Variants in ADARB2 observed in about 807,000 individuals in gnomAD.
ADARB2 encodes adenosine deaminase RNA specific B2 (inactive).
A neutral mutation model predicts 62.2 loss-of-function variants in ADARB2; 25 were observed. The observed-to-expected ratio is 0.40, with a 90% CI of 0.29 to 0.56. The LOEUF (loss-of-function observed/expected upper bound fraction) is 0.56. Ranked by LOEUF, ADARB2 falls within the 20% of genes least tolerant of loss-of-function variation. The pLI, the probability that ADARB2 is intolerant of heterozygous loss-of-function variation, is 0.43. For synonymous variants in ADARB2, 572 were observed against 500.8 expected (o/e 1.14, Z -1.90); for missense variants, 1,071 against 1,077.4 (o/e 0.99, Z 0.08).
chr10:1,317,790 G>C (rs529448035), intron 3 of ADARB2, among the ~76,000 whole-genome samples: 1 of 151,912 alleles, frequency 6.6e-6, no homozygotes, highest in African/African-American at 2.4e-5. Flanking sequence ...TCTGGTCTCT[G>C]TGGGCCGGCC....
chr10:1,280,526 T>G (rs981629361), intron 3 of ADARB2, among the ~76,000 whole-genome samples: 2 of 152,212 alleles, frequency 1.3e-5, no homozygotes, highest in African/African-American at 4.8e-5. Flanking sequence ...GTGTTTGCCA[T>G]TTTTAGGTGT....
intron 3 of ADARB2, among the ~76,000 whole-genome samples, chr10:1,337,490 A>G (rs980788247): frequency 3.3e-5 from 5 of 152,204 alleles, no homozygotes; most frequent in African/African-American, 1.2e-4. Flanking sequence ...CAATTCTTCC[A>G]TGGTAAGGAC....
chr10:1,709,892 T>G lies in ADARB2; in HGVS notation c.100+27159A>C, dbSNP rs139949715. 5.3e-3 allele frequency among the ~76,000 whole-genome samples: 800 copies of G among 152,362 alleles called. 5 individuals are homozygous for G. Among genetic ancestry groups the G allele is most frequent in the African/African-American group, 0.018 (753 of 41,586 alleles). ...ACTGAACTTTAAGCAGAATTTCAAGTGCCAAGTCTCTAAAGCCAAGTGGGG... is the reference window on the plus strand; with the variant it reads ...ACTGAACTTTAAGCAGAATTTCAAGGGCCAAGTCTCTAAAGCCAAGTGGGG... On this transcript the variant is annotated intron_variant, in intron 1 of 9. Coordinates refer to ENST00000381312, the MANE Select transcript of ADARB2 (RefSeq NM_018702.4).
intron 1 of ADARB2, among the ~76,000 whole-genome samples, chr10:1,505,193 A>T (rs1831826694): frequency 6.6e-6 from 1 of 151,912 alleles, no homozygotes. Flanking sequence ...AGGCACCGAC[A>T]CACACACAGA....
intron 1 of ADARB2, among the ~76,000 whole-genome samples, chr10:1,621,231 A>G (rs1338300492): frequency 6.6e-6 from 1 of 152,244 alleles, no homozygotes; most frequent in Non-Finnish European, 1.5e-5. Flanking sequence ...GATAGAATCA[A>G]CAAAAAATAT....
intron 1 of ADARB2, among the ~76,000 whole-genome samples, chr10:1,457,933 C>T (rs74684573): frequency 0.044 from 6,641 of 152,140 alleles, 410 homozygotes; most frequent in African/African-American, 0.14. Context: ...TCTCTTTGCA[C>T]GTAAAATGTA....
chr10:1,641,265 G>C (rs922194478), intron 1 of ADARB2, among the ~76,000 whole-genome samples: 18 of 152,184 alleles, frequency 1.2e-4, no homozygotes, highest in African/African-American at 4.1e-4. Flanking sequence ...CTCCAAAAGG[G>C]TCTAAAAGCT....
At chr10:1,205,555 C>T (rs1837043910) in intron 7 of ADARB2, among the ~76,000 whole-genome samples, 1 of 152,250 alleles carries the variant, frequency 6.6e-6, no homozygotes, top group Non-Finnish European at 1.5e-5. Flanking sequence ...TGCACACCCC[C>T]AGGCTCTGCG....
intron 1 of ADARB2, among the ~76,000 whole-genome samples, chr10:1,425,292 C>A (rs917105061): frequency 6.6e-6 from 1 of 152,192 alleles, no homozygotes; most frequent in Non-Finnish European, 1.5e-5. Context: ...TATATACCAC[C>A]TGTTTCTCAG....
intron 1 of ADARB2, among the ~76,000 whole-genome samples, chr10:1,627,693 A>G (rs1448623838): frequency 1.3e-5 from 2 of 152,196 alleles, no homozygotes; most frequent in African/African-American, 4.8e-5. Flanking sequence ...CTAGAAAGAG[A>G]CATAGGGGTT....
At chr10:1,590,635 T>A (rs1053911162) in intron 1 of ADARB2, among the ~76,000 whole-genome samples, 2 of 152,184 alleles carry the variant, frequency 1.3e-5, no homozygotes, top group Non-Finnish European at 2.9e-5. Flanking sequence ...TTTGTCAGGC[T>A]TGGAGATTTG....
chr10:1,539,777 C>T (rs1832387613), intron 1 of ADARB2, among the ~76,000 whole-genome samples: 1 of 152,214 alleles, frequency 6.6e-6, no homozygotes, highest in Non-Finnish European at 1.5e-5. Context: ...AAATAATTCA[C>T]TTCAATGAAA....
chr10:1,326,485 G>A (rs115073272), intron 3 of ADARB2, among the ~76,000 whole-genome samples: 316 of 152,294 alleles, frequency 2.1e-3, no homozygotes, highest in African/African-American at 7.4e-3. Context: ...TTCTGTCACT[G>A]TCTTTCTATG....
intron 1 of ADARB2, among the ~76,000 whole-genome samples, chr10:1,717,820 C>A (rs1004182580): frequency 2.0e-5 from 3 of 152,056 alleles, no homozygotes; most frequent in African/African-American, 4.8e-5. Flanking sequence ...TCAAGTGATC[C>A]ACCTGCCTGG....
chr10:1,524,713 G>A (rs980771865), intron 1 of ADARB2, among the ~76,000 whole-genome samples: 1 of 152,078 alleles, frequency 6.6e-6, no homozygotes, highest in Non-Finnish European at 1.5e-5. Context: ...CCGGGGGGAG[G>A]TGGTAGGCAG....
At chr10:1,513,386 C>T (rs913514816) in intron 1 of ADARB2, among the ~76,000 whole-genome samples, 7 of 152,188 alleles carry the variant, frequency 4.6e-5, no homozygotes, top group South Asian at 2.1e-4. Context: ...TTCCTGAAGC[C>T]GGCAGCGCCC....
chr10:1,455,344 A>T (rs1204851563), intron 1 of ADARB2, among the ~76,000 whole-genome samples: 1 of 152,238 alleles, frequency 6.6e-6, no homozygotes, highest in Non-Finnish European at 1.5e-5. Flanking sequence ...AATTATGATG[A>T]GCAAAATAAT....
chr10:1,585,914 G>C (rs1255033778), intron 1 of ADARB2, among the ~76,000 whole-genome samples: 1 of 152,154 alleles, frequency 6.6e-6, no homozygotes, highest in African/African-American at 2.4e-5. Context: ...GGCGGCTGTA[G>C]TCCCAGCTAC....
At position 1,477,144 on chromosome 10, in the gene ADARB2, C is replaced by T. The variant is rs1189136188; in HGVS notation, c.101-97984G>A. On this transcript the variant is annotated intron_variant, in intron 1 of 9. Coordinates refer to ENST00000381312, the MANE Select transcript of ADARB2 (RefSeq NM_018702.4). The surrounding 1 kb of genome is among the most constrained non-coding windows in gnomAD (Gnocchi z 4.5). ...TCATGGCTGTGAAACTTGGGTTGCC[C>T]GATCCTGCAAACGCTGGCTTTCTCC... is the stretch of plus-strand genomic sequence containing the variant. 6.6e-6 allele frequency among the ~76,000 whole-genome samples: 1 copy of T among 152,150 alleles called. No individual in the cohort carries two copies. Among genetic ancestry groups the T allele is most frequent in the Non-Finnish European group, 1.5e-5 (1 of 68,014 alleles).
Sources: gnomAD v4.1 joint callset for allele counts (sites outside exome capture counted in the v4.1 genomes callset) on GRCh38, gnomAD v4.1.1 for gene constraint, Gnocchi (gnomAD v3.1) non-coding constraint, MANE v1.5 for transcripts, NCBI Gene and HGNC (gene_info 2026-07-23, HGNC 2026-07-21) for gene names.